FAM53B: variants seen among roughly 807,000 people sequenced by gnomAD.
FAM53B encodes family with sequence similarity 53 member B.
A neutral mutation model predicts 32.7 loss-of-function variants in FAM53B; 12 were observed. The observed-to-expected ratio is 0.37, with a 90% CI of 0.24 to 0.59. The LOEUF (loss-of-function observed/expected upper bound fraction) is 0.59. FAM53B is among the 20% of genes least tolerant of loss of function. FAM53B has a pLI of 0.72. For missense variants in FAM53B, 477 were observed against 577.7 expected (o/e 0.83, Z 1.79); for synonymous variants, 234 against 228.7 (o/e 1.02, Z -0.21).
chr10:124,701,769 A>G (rs1377062276), intron 2 of FAM53B, among the ~76,000 whole-genome samples: 1 of 140,796 alleles, frequency 7.1e-6, no homozygotes, highest in African/African-American at 2.5e-5. Context: ...CCATGGGCAC[A>G]GCTGAGCCTC....
intron 2 of FAM53B, chr10:124,705,497 C>T (rs1341745742): frequency 6.6e-6 from 1 of 152,348 alleles, no homozygotes; most frequent in Admixed American, 6.5e-5. Context: ...TGCTCCTCTA[C>T]AAGCCCTGGG....
rs576139396 is a variant in FAM53B at position 124,650,658 on chromosome 10, C to T, written c.907-27054G>A. On this transcript the variant is annotated intron_variant, in intron 4 of 4. Transcript: ENST00000337318. ...AGAGCTGAACCCTAACCCCAGGACT[C>T]CAGAGGCGCTGTTTTCTTCCACCTA... Among the ~76,000 whole-genome samples, 9 of 152,286 alleles carry T rather than the reference C, an allele frequency of 5.9e-5. No individual in the cohort carries two copies. In the East Asian group the frequency reaches 1.7e-3, roughly 29 times the overall value.
intron 4 of FAM53B, among the ~76,000 whole-genome samples, chr10:124,669,262 G>A (rs1217439138): frequency 6.6e-6 from 1 of 152,232 alleles, no homozygotes; most frequent in Non-Finnish European, 1.5e-5. Flanking sequence ...GCTCAGTGTG[G>A]CAGAGCACCA....
chr10:124,722,352 A>C (rs77466650), intron 1 of FAM53B, among the ~76,000 whole-genome samples: 8,650 of 152,246 alleles, frequency 0.057, 786 homozygotes, highest in African/African-American at 0.19. Context: ...AAAAAAAAGA[A>C]GGCTTTGGGA....
chr10:124,667,078 A>C, intron 4 of FAM53B: 5 of 329,656 alleles, frequency 1.5e-5, no homozygotes, highest in Non-Finnish European at 2.8e-5. Context: ...CCCACTCAGC[A>C]AAGCTACATG....
chr10:124,649,629 G>A (rs780877789), intron 4 of FAM53B, among the ~76,000 whole-genome samples: 8 of 152,200 alleles, frequency 5.3e-5, no homozygotes, highest in Non-Finnish European at 1.0e-4. Context: ...TCTCACAGCT[G>A]GATAAAGGCC....
At chr10:124,675,197 A>G (rs1467867540) in intron 4 of FAM53B, among the ~76,000 whole-genome samples, 1 of 152,200 alleles carries the variant, frequency 6.6e-6, no homozygotes, top group Non-Finnish European at 1.5e-5. Context: ...CGGAGGCTGC[A>G]GTGAGTCGAG....
intron 3 of FAM53B, among the ~76,000 whole-genome samples, chr10:124,687,730 T>G (rs1423327387): frequency 6.6e-6 from 1 of 152,206 alleles, no homozygotes; most frequent in Non-Finnish European, 1.5e-5. Flanking sequence ...CGTCTCTGAC[T>G]TGGTAAATCA....
rs1483689896 is a variant in FAM53B at position 124,683,906 on chromosome 10, G to A, written c.134-1527C>T. Among the ~76,000 whole-genome samples the A allele has an allele frequency of 6.6e-5, 10 of 152,234 alleles. 1 individual carries two copies. The highest frequency in any genetic ancestry group is 6.2e-4 in the South Asian group (3 of 4,828). ...ACCAAGAGACATACCCCAGCTGAGC[G>A]TCACAAGCAGCAGCTACTTGATTGA... On this transcript the variant is annotated intron_variant, in intron 3 of 4. Transcript: ENST00000337318.
rs1419890079 is a variant in FAM53B, at chr10:124,621,719, C to T, written c.*1523G>A. ...AGAAAGAAGGTGAGAAGCATCTGGA[C>T]TCAACCTGCAGAAGCGAGGCGTTCA... is the stretch of plus-strand genomic sequence containing the variant. On this transcript the variant is annotated 3_prime_UTR_variant, in exon 5 of 5. Transcript: ENST00000337318. 1 of 152,254 alleles carries T rather than the reference C, an allele frequency of 6.6e-6. No homozygotes were observed. The highest frequency in any genetic ancestry group is 1.5e-5 in the Non-Finnish European group (1 of 68,042). 9.4% of individuals were successfully genotyped at this position (152,254 alleles called of 1,614,324 possible).
chr10:124,737,085 T>C (rs1163898312), intron 1 of FAM53B, among the ~76,000 whole-genome samples: 1 of 152,226 alleles, frequency 6.6e-6, no homozygotes, highest in East Asian at 1.9e-4. Flanking sequence ...AGCCACAGGT[T>C]GTGCTGAGGA....
intron 4 of FAM53B, among the ~76,000 whole-genome samples, chr10:124,642,780 C>G (rs1949485259): frequency 6.6e-6 from 1 of 152,216 alleles, no homozygotes; most frequent in Non-Finnish European, 1.5e-5. Context: ...GAATTGTCCC[C>G]ATAACTGTTC....
intron 4 of FAM53B, among the ~76,000 whole-genome samples, chr10:124,657,163 TATATATATATGTAC>T (rs749090510): frequency 0.027 from 1,512 of 55,432 alleles, 6 homozygotes; most frequent in Middle Eastern, 0.058. Flanking sequence ...TATATGTGTG[TATATATATATGTAC>T]ATATATATAT....
chr10:124,700,086 C>A (rs1949905094), intron 2 of FAM53B, among the ~76,000 whole-genome samples: 1 of 152,230 alleles, frequency 6.6e-6, no homozygotes, highest in African/African-American at 2.4e-5. Flanking sequence ...GAGGCTAAGC[C>A]AGTGGCGGCC....
At chr10:124,627,020 T>G (rs1035495564) in intron 4 of FAM53B, among the ~76,000 whole-genome samples, 6 of 152,264 alleles carry the variant, frequency 3.9e-5, no homozygotes, top group African/African-American at 1.4e-4. Flanking sequence ...GTCTCCAGTA[T>G]TCTTCAAATA....
chr10:124,654,101 T>C (rs924617613), intron 4 of FAM53B, among the ~76,000 whole-genome samples: 4 of 152,214 alleles, frequency 2.6e-5, no homozygotes, highest in African/African-American at 9.7e-5. Context: ...GGAAAAACTG[T>C]GGCTCTGGGA....
At chr10:124,737,617 C>A (rs1950180461) in intron 1 of FAM53B, among the ~76,000 whole-genome samples, 1 of 152,192 alleles carries the variant, frequency 6.6e-6, no homozygotes. Flanking sequence ...AAGGATCGGA[C>A]TTCTCTTCCA....
chr10:124,630,445 G>A (rs1175340306), intron 4 of FAM53B, among the ~76,000 whole-genome samples: 1 of 152,156 alleles, frequency 6.6e-6, no homozygotes, highest in Non-Finnish European at 1.5e-5. Context: ...ACAGCATCAT[G>A]CCCAGCCCAT....
intron 4 of FAM53B, among the ~76,000 whole-genome samples, chr10:124,630,792 C>T (rs1167633561): frequency 2.0e-5 from 3 of 152,206 alleles, no homozygotes; most frequent in East Asian, 1.9e-4. Flanking sequence ...GTGACAGTTT[C>T]CTTAGCTCAT....
Sources: allele counts gnomAD v4.1 joint callset (sites outside exome capture counted in the v4.1 genomes callset), GRCh38; gene constraint gnomAD v4.1.1; transcripts MANE v1.5; gene names NCBI Gene and HGNC (gene_info 2026-07-23, HGNC 2026-07-21).